The following GNL2 variants were observed in gnomAD, a reference collection of about 807,000 sequenced individuals.
GNL2 encodes nucleolar GTP-binding protein 2.
A neutral mutation model predicts 92.3 loss-of-function variants in GNL2; 51 were observed. The ratio of observed to expected loss-of-function variants is 0.55; its 90% confidence interval spans 0.44 to 0.70. The LOEUF (loss-of-function observed/expected upper bound fraction) is 0.70, where lower values mean the gene tolerates loss of function less well. Among genes scored for constraint, GNL2 ranks in the 30% least tolerant of loss-of-function variants. The pLI, the probability that GNL2 is intolerant of heterozygous loss-of-function variation, is 0.00. For synonymous variants in GNL2, 283 were observed against 300.6 expected, an observed-to-expected ratio of 0.94 and a Z score of 0.61; for missense variants, 844 against 895.6, an observed-to-expected ratio of 0.94 and a Z score of 0.74.
chr1:37,571,992 A>C (rs1460418113), intron 12 of GNL2, among the ~76,000 whole-genome samples: 1 of 151,914 alleles, frequency 6.6e-6, no homozygotes, highest in Non-Finnish European at 1.5e-5. Context: ...GGACACACAG[A>C]GCATACTCCT....
chr1:37,582,559 C>T (rs1349360215), intron 7 of GNL2, among the ~76,000 whole-genome samples: 1 of 152,208 alleles, frequency 6.6e-6, no homozygotes, highest in African/African-American at 2.4e-5. Context: ...TTCATTGTTA[C>T]TAAATGCAAT....
In GNL2 at chr1:37,575,206, G is replaced by A. The variant is rs537687136; in HGVS notation, c.1144-383C>T. On this transcript the variant is annotated intron_variant, in intron 10 of 15. Transcript: ENST00000373062. This position sits in a 1 kb window ranked among gnomAD's most constrained non-coding sequence, Gnocchi z 4.1. ...ATGTGTACAGGATGTATAGCCAGAA[G>A]CATGGTCAAGGTTAAGTGGAACCAT... Among the ~76,000 whole-genome samples the A allele has an allele frequency of 3.9e-4, 59 of 152,222 alleles. No individual in the cohort carries two copies. Among genetic ancestry groups the A allele is most frequent in the Non-Finnish European group, 7.3e-5 (5 of 68,032 alleles).
chr1:37,567,846 T>A (rs1344951467), intron 14 of GNL2, 82 bp from the exon 15 acceptor site: 5 of 1,057,666 alleles, frequency 4.7e-6, no homozygotes, highest in Non-Finnish European at 7.3e-6. Context: ...GCTTGATGTA[T>A]CAGGAGGAGG....
chr1:37,594,889 A>G (rs901406376), intron 1 of GNL2, among the ~76,000 whole-genome samples: 1 of 152,216 alleles, frequency 6.6e-6, no homozygotes, highest in Non-Finnish European at 1.5e-5. Context: ...ACAGTAGAAG[A>G]CAGGCTGAAA....
chr1:37,579,845 G>A lies in GNL2; in HGVS notation c.909+2378C>T, dbSNP rs1203954478. 7.0e-5 allele frequency among the ~76,000 whole-genome samples: 10 copies of A among 142,208 alleles called. 1 individual carries two copies. Among genetic ancestry groups the A allele is most frequent in the South Asian group, 2.2e-4 (1 of 4,556 alleles). 93.3% of individuals were successfully genotyped at this position (142,208 alleles called of 152,430 possible). Reference sequence around the variant, plus strand: ...CGGGAGGCGGAGGCTGCAGTGAGCCGAGATCACACCACTGCACTCCAGCCT... The same window carrying A: ...CGGGAGGCGGAGGCTGCAGTGAGCCAAGATCACACCACTGCACTCCAGCCT... On this transcript the variant is annotated intron_variant, in intron 8 of 15. Coordinates refer to ENST00000373062, the MANE Select transcript of GNL2 (RefSeq NM_013285.3).
At chr1:37,572,885 T>C (rs1445440650) in intron 12 of GNL2, among the ~76,000 whole-genome samples, 2 of 152,116 alleles carry the variant, frequency 1.3e-5, no homozygotes, top group African/African-American at 4.8e-5. Context: ...CACAACTGAA[T>C]TAAATTGTTG....
In GNL2 at chr1:37,592,707, C is replaced by T. The variant is rs761071205; in HGVS notation, c.244+5G>A. 3 of 1,501,388 alleles carry T rather than the reference C, an allele frequency of 2.0e-6. No individual in the cohort carries two copies. The highest frequency in any genetic ancestry group is 1.1e-5 in the South Asian group (1 of 88,700). The allele number at this position is 1,501,388 out of a possible 1,614,324, so 93.0% of individuals were successfully genotyped here. On this transcript the variant is annotated splice_donor_5th_base_variant and intron_variant, in intron 3 of 15. Transcript: ENST00000373062. Reference sequence around the variant, plus strand: ...TAGAGCAAAGTAACAGGGGATAATACTCACCAAACCATTTAATATTTGGCT... The same window carrying T: ...TAGAGCAAAGTAACAGGGGATAATATTCACCAAACCATTTAATATTTGGCT...
At chr1:37,579,886 ACT>A (rs1643737974) in intron 8 of GNL2, among the ~76,000 whole-genome samples, 1 of 124,976 alleles carries the variant, frequency 8.0e-6, no homozygotes, top group African/African-American at 2.9e-5. Flanking sequence ...CAAGAGTGAG[ACT>A]CTGCCTCAAA....
chr1:37,587,369 T>G lies in GNL2; in HGVS notation c.511A>C (p.Thr171Pro). 6.2e-7 allele frequency: 1 copy of G among 1,613,652 alleles called. No individual in the cohort carries two copies. Among genetic ancestry groups the G allele is most frequent in the South Asian group, 1.1e-5 (1 of 91,046 alleles). Residue 171 changes from threonine (T) to proline (P), a missense_variant, in exon 5 of 16, where the codon ACT becomes CCT. By Grantham distance (38) the Thr-to-Pro change is conservative. Coordinates refer to ENST00000373062, the MANE Select transcript of GNL2 (RefSeq NM_013285.3). ...QSLIENAEMS[T>P]ESYDQGKDRD... ...TCCTTGCCCTGGTCATAGCTCTCAG[T>G]GGACATTTCAGCATTTTCGATAAGA... is the stretch of plus-strand genomic sequence containing the variant.
intron 12 of GNL2, among the ~76,000 whole-genome samples, chr1:37,571,670 T>C (rs897174555): frequency 6.6e-6 from 1 of 152,206 alleles, no homozygotes; most frequent in Non-Finnish European, 1.5e-5. Context: ...ACGGTTAAAC[T>C]TCTTTCTCTG....
rs2148137766 is a variant in GNL2 at position 37,582,886 on chromosome 1, T to C, written c.687A>G (p.Pro229=). The change falls in exon 7 of 16, where the codon CCA becomes CCG. Residue 229 remains proline (P), a synonymous_variant. Coordinates refer to ENST00000373062, the MANE Select transcript of GNL2 (RefSeq NM_013285.3). ...VVVQVLDARD[P]MGTRSPHIET... is the part of the protein sequence containing the mutation. ...CAATGTGAGGGGAACGAGTACCCAT[T>C]GGATCTCTAGCATCAAGAACTTGAA... is the stretch of plus-strand genomic sequence containing the variant. 1 of 1,612,530 alleles carries C rather than the reference T, an allele frequency of 6.2e-7. No individual in the cohort carries two copies. Among genetic ancestry groups the C allele is most frequent in the East Asian group, 2.2e-5 (1 of 44,876 alleles).
In GNL2 at chr1:37,582,922, T is replaced by C. The variant is rs753682233; in HGVS notation, c.651A>G (p.Ser217=). Residue 217 remains serine, a synonymous_variant, in exon 7 of 16, where the codon TCA becomes TCG. Transcript: ENST00000373062. The stretch of plus-strand genomic sequence containing the variant: ...CATCAAGAACTTGAACTACAACATC[T>C]GATGAATCTATCACCTGAAAATTCA... The part of the protein sequence containing the change: ...WGELYKVIDS[S]DVVVQVLDAR... The C allele has an allele frequency of 6.2e-7, 1 of 1,611,708 alleles. No individual in the cohort carries two copies. The highest frequency in any genetic ancestry group is 1.1e-5 in the South Asian group (1 of 90,660).
At chr1:37,576,867 T>C (rs1287778213) in intron 8 of GNL2, among the ~76,000 whole-genome samples, 2 of 152,132 alleles carry the variant, frequency 1.3e-5, no homozygotes, top group Non-Finnish European at 2.9e-5. Context: ...ATCCCAGCAC[T>C]TTGGGAGGCC....
chr1:37,567,688 C>T lies in GNL2; in HGVS notation c.2028G>A (p.Ala676=), dbSNP rs141426730. The T allele has an allele frequency of 7.0e-5, 113 of 1,610,398 alleles. No homozygotes were observed. The highest frequency in any genetic ancestry group is 8.5e-5 in the Non-Finnish European group (100 of 1,176,742). ...TGACACTTACTTCTTTTGATGTAAG[C>T]GCCCTGGGAGCTTTATTTGAATGTT... ...EQEHSNKAPR[A]LTSKERRRAV... Residue 676 remains alanine, a synonymous_variant, in exon 15 of 16, where the codon GCG becomes GCA. Transcript: ENST00000373062.
intron 8 of GNL2, among the ~76,000 whole-genome samples, chr1:37,579,391 T>C (rs1385272567): frequency 6.6e-6 from 1 of 151,688 alleles, no homozygotes; most frequent in Non-Finnish European, 1.5e-5. Context: ...CTACTAAAGA[T>C]ACAAAATTAG....
rs1643894507 is a variant in GNL2 at position 37,592,641 on chromosome 1, CA to C, written c.244+70del. On this transcript the variant is annotated intron_variant, in intron 3 of 15. Coordinates refer to ENST00000373062, the MANE Select transcript of GNL2 (RefSeq NM_013285.3). ...TCACCAAAAACTCCTGCTGTTTAGACATTTAAACATCCTAGCCGTTTCCACT... is the reference window on the plus strand; with the variant it reads ...TCACCAAAAACTCCTGCTGTTTAGACTTTAAACATCCTAGCCGTTTCCACT... 4 of 839,952 alleles carry C rather than the reference CA, an allele frequency of 4.8e-6. No homozygotes were observed. The Admixed American group carries it at 5.9e-5, about 12-fold the overall frequency. The allele number at this position is 839,952 out of a possible 1,614,324, so 52.0% of individuals were successfully genotyped here. A position where few individuals can be genotyped will look rare whatever the true frequency, so the allele number is the denominator to read the frequency against.
intron 4 of GNL2, among the ~76,000 whole-genome samples, 180 bp downstream of exon 4, chr1:37,590,526 A>G (rs1412010085): frequency 6.6e-6 from 1 of 152,256 alleles, no homozygotes; most frequent in Non-Finnish European, 1.5e-5. Context: ...GCTTTGATCC[A>G]CTACACTACT....
At chr1:37,579,578 G>A (rs1472964384) in intron 8 of GNL2, among the ~76,000 whole-genome samples, 1 of 150,412 alleles carries the variant, frequency 6.6e-6, no homozygotes, top group Non-Finnish European at 1.5e-5. Context: ...AGAAAATAGA[G>A]GAAAATGTCA....
At chr1:37,595,732 A>AC in intron 1 of GNL2, 27 bp downstream of exon 1, 1 of 1,605,850 alleles carries the variant, frequency 6.2e-7, no homozygotes, top group Non-Finnish European at 8.5e-7. Flanking sequence ...TCCAAGCTCC[A>AC]CCCTCGATCA....
Sources: gnomAD v4.1 joint callset for allele counts (sites outside exome capture counted in the v4.1 genomes callset) on GRCh38, gnomAD v4.1.1 for gene constraint, Gnocchi (gnomAD v3.1) non-coding constraint, MANE v1.5 for transcripts, NCBI Gene and HGNC (gene_info 2026-07-23, HGNC 2026-07-21) for gene names.